Variants in HK2 observed in about 807,000 individuals in gnomAD.
HK2 encodes the protein hexokinase-2.
HK2 carries 42 observed loss-of-function variants against 92.9 expected under a neutral mutation model. That is an observed-to-expected ratio of 0.45 (90% CI 0.35 to 0.58). The LOEUF (loss-of-function observed/expected upper bound fraction) is 0.58, where lower values mean the gene tolerates loss of function less well. Among genes scored for constraint, HK2 ranks in the 20% least tolerant of loss-of-function variants. The pLI, the probability that HK2 is intolerant of heterozygous loss-of-function variation, is 0.00. For missense variants in HK2, 978 were observed against 1,245.1 expected (o/e 0.79, Z 3.23); for synonymous variants, 422 against 468.0 (o/e 0.90, Z 1.27).
At chr2:74,875,056 A>G (rs1358510468) in intron 7 of HK2, among the ~76,000 whole-genome samples, 1 of 152,218 alleles carries the variant, frequency 6.6e-6, no homozygotes, top group African/African-American at 2.4e-5. Flanking sequence ...TGTATTCTCC[A>G]GCCTGGCCTG....
chr2:74,870,497 C>G (rs1689071952), intron 3 of HK2, among the ~76,000 whole-genome samples: 1 of 143,260 alleles, frequency 7.0e-6, no homozygotes. Flanking sequence ...CCCTTCTAAC[C>G]CCCACCTCCA....
intron 1 of HK2, among the ~76,000 whole-genome samples, chr2:74,847,950 T>G (rs912392339): frequency 6.6e-6 from 1 of 152,196 alleles, no homozygotes; most frequent in Non-Finnish European, 1.5e-5. Flanking sequence ...CTGTGAGCCC[T>G]TGATTAAAAG....
chr2:74,841,978 C>T (rs73951442), intron 1 of HK2, among the ~76,000 whole-genome samples: 21,659 of 152,218 alleles, frequency 0.14, 1,840 homozygotes, highest in African/African-American at 0.23. Context: ...GTTTGATGAG[C>T]TGGAGTCAGG....
At chr2:74,860,989 A>C (rs2103911491) in intron 2 of HK2, among the ~76,000 whole-genome samples, 1 of 152,062 alleles carries the variant, frequency 6.6e-6, no homozygotes, top group South Asian at 2.1e-4. Context: ...CACCATCTTG[A>C]CCTCTCTGTA....
In HK2 at chr2:74,860,340, T is replaced by TA. The variant is rs941497640; in HGVS notation, c.226+5893dup. 3.3e-5 allele frequency among the ~76,000 whole-genome samples: 5 copies of TA among 152,018 alleles called. No homozygotes were observed. In the East Asian group the frequency reaches 7.7e-4, roughly 23 times the overall value. ...TTTGCACCTCATAAATTTAAACAAC[T>TA]AAAAAAAACCTCCATCAAGATACAG... is the stretch of plus-strand genomic sequence containing the variant. On this transcript the variant is annotated intron_variant, in intron 2 of 17. Coordinates refer to ENST00000290573, the MANE Select transcript of HK2 (RefSeq NM_000189.5).
At chr2:74,888,523 C>T (rs919389533) in intron 16 of HK2, among the ~76,000 whole-genome samples, 1 of 152,190 alleles carries the variant, frequency 6.6e-6, no homozygotes, top group African/African-American at 2.4e-5. Flanking sequence ...AGCCTCCCTC[C>T]TACAGTCAAA....
chr2:74,874,162 C>G, intron 6 of HK2, 104 bp from the exon 7 acceptor site: 1 of 1,446,712 alleles, frequency 6.9e-7, no homozygotes, highest in Non-Finnish European at 9.7e-7. Context: ...AGTGAGAAAT[C>G]CCAGCCATCC....
chr2:74,857,703 C>T (rs764765175), intron 2 of HK2, among the ~76,000 whole-genome samples: 1 of 152,164 alleles, frequency 6.6e-6, no homozygotes, highest in Non-Finnish European at 1.5e-5. Context: ...CATCAGGGCT[C>T]TCAAGTTTTG....
chr2:74,875,619 G>A (rs938601991), intron 7 of HK2, among the ~76,000 whole-genome samples: 16 of 152,150 alleles, frequency 1.1e-4, no homozygotes, highest in Non-Finnish European at 1.8e-4. Context: ...GTGAGCCACC[G>A]CGCCCGGCCT....
At chr2:74,846,468 CCTGA>C (rs1233279106) in intron 1 of HK2, among the ~76,000 whole-genome samples, 2 of 152,208 alleles carry the variant, frequency 1.3e-5, no homozygotes, top group African/African-American at 4.8e-5. Context: ...TAATCACTGT[CCTGA>C]CTAACAGCAT....
chr2:74,873,730 G>C (rs183350796), intron 5 of HK2, 114 bp from the exon 6 acceptor site: 18 of 720,228 alleles, frequency 2.5e-5, no homozygotes, highest in East Asian at 1.9e-4. Context: ...TGGGGAGGGA[G>C]GGGGGAGAGA....
Position 74,881,747 on chromosome 2 carries a change from C to A in HK2, c.1607C>A (p.Thr536Lys). ...TTCTTGGCCTTGGACCTTGGAGGAA[C>A]AAATTTCCGGGTCCTGCTGGTCCGT... ...GDFLALDLGG[T>K]NFRVLLVRVR... is the part of the protein sequence containing the mutation. Residue 536 changes from threonine (T) to lysine (K), a missense_variant, in exon 11 of 18, where the codon ACA becomes AAA. Physicochemically the swap from Thr to Lys is moderately conservative, Grantham distance 78 (BLOSUM62 -1). Around this residue, in one of 3 missense-constraint regions of HK2, gnomAD observed 742 missense variants for 922.5 expected, o/e 0.80. Coordinates refer to ENST00000290573, the MANE Select transcript of HK2 (RefSeq NM_000189.5). 1 of 1,614,186 alleles carries A rather than the reference C, an allele frequency of 6.2e-7. No homozygotes were observed. Among genetic ancestry groups the A allele is most frequent in the Non-Finnish European group, 8.5e-7 (1 of 1,180,042 alleles).
chr2:74,877,637 C>T (rs1689267139), intron 8 of HK2, among the ~76,000 whole-genome samples: 1 of 152,346 alleles, frequency 6.6e-6, no homozygotes, highest in South Asian at 2.1e-4. Flanking sequence ...TTAGCTGCAT[C>T]TGCCTCCTTT....
Position 74,878,901 on chromosome 2 carries a change from C to A in HK2, c.1245C>A (p.Ser415=). The A allele has an allele frequency of 6.4e-7, 1 of 1,551,412 alleles. No homozygotes were observed. Among genetic ancestry groups the A allele is most frequent in the Non-Finnish European group, 8.7e-7 (1 of 1,146,968 alleles). ...GCTCTACTATTGGGGTCGACGGTTCCGTCTACAAGAAACACCCCCAGTGAG... is the reference window on the plus strand; with the variant it reads ...GCTCTACTATTGGGGTCGACGGTTCAGTCTACAAGAAACACCCCCAGTGAG... ...RLRSTIGVDG[S]VYKKHPHFAK... Residue 415 remains serine, a synonymous_variant, in exon 9 of 18, where the codon TCC becomes TCA. Coordinates refer to ENST00000290573, the MANE Select transcript of HK2 (RefSeq NM_000189.5).
At chr2:74,865,374 C>T (rs1015910449) in intron 2 of HK2, among the ~76,000 whole-genome samples, 2 of 152,118 alleles carry the variant, frequency 1.3e-5, no homozygotes, top group Non-Finnish European at 2.9e-5. Flanking sequence ...GGGCTGGCCT[C>T]GGATGATGAC....
intron 2 of HK2, among the ~76,000 whole-genome samples, chr2:74,865,130 C>T (rs1221239477): frequency 6.6e-6 from 1 of 152,094 alleles, no homozygotes; most frequent in East Asian, 1.9e-4. Context: ...GGAAGGAATG[C>T]AGTCATTGGC....
At chr2:74,856,315 C>G (rs993058528) in intron 2 of HK2, among the ~76,000 whole-genome samples, 2 of 152,120 alleles carry the variant, frequency 1.3e-5, no homozygotes, top group Non-Finnish European at 2.9e-5. Context: ...TTTGCTGAAG[C>G]CTTGGGACCC....
chr2:74,882,049 G>A (rs1245353979), intron 11 of HK2, 71 bp from the exon 12 acceptor site: 5 of 1,500,564 alleles, frequency 3.3e-6, no homozygotes, highest in Non-Finnish European at 4.6e-6. Flanking sequence ...TTGATGTTGT[G>A]CGCAGGCCCT....
At chr2:74,841,292 A>G (rs1387968866) in intron 1 of HK2, among the ~76,000 whole-genome samples, 2 of 151,574 alleles carry the variant, frequency 1.3e-5, no homozygotes, top group Non-Finnish European at 2.9e-5. Flanking sequence ...GACATCTAGT[A>G]AGCAGAGGCA....
Sources: allele counts gnomAD v4.1 joint callset (sites outside exome capture counted in the v4.1 genomes callset), GRCh38; gene constraint gnomAD v4.1.1; regional missense constraint gnomAD v4.1.1; transcripts MANE v1.5; gene names NCBI Gene and HGNC (gene_info 2026-07-23, HGNC 2026-07-21).